The following SLC7A6 variants were observed in gnomAD, a reference collection of about 807,000 sequenced individuals.
SLC7A6 encodes Y+L amino acid transporter 2.
In SLC7A6, 29 loss-of-function variants were observed where a neutral mutation model predicts 46.6. The observed-to-expected ratio is 0.62, with a 90% confidence interval of 0.46 to 0.85. The LOEUF (loss-of-function observed/expected upper bound fraction) is 0.85. Ranked by LOEUF, SLC7A6 falls within the 40% of genes least tolerant of loss-of-function variation. The pLI is 0.00. For synonymous variants in SLC7A6, 276 were observed against 257.3 expected (o/e 1.07, Z -0.70); for missense variants, 527 against 647.6 (o/e 0.81, Z 2.02).
At chr16:68,279,234 C>T (rs761096791) in intron 3 of SLC7A6, among the ~76,000 whole-genome samples, 1 of 150,916 alleles carries the variant, frequency 6.6e-6, no homozygotes, top group African/African-American at 2.4e-5. Context: ...CCTAGCTACT[C>T]GGGAGCCTGA....
At chr16:68,278,351 AG>A (rs2042757676) in intron 3 of SLC7A6, among the ~76,000 whole-genome samples, 3 of 147,954 alleles carry the variant, frequency 2.0e-5, no homozygotes. Flanking sequence ...TTTCTCGCAG[AG>A]GGGGATTTGG....
rs66832488 is a variant in SLC7A6 at position 68,279,170 on chromosome 16, TA to T, written c.523+3935del. Among the ~76,000 whole-genome samples, 93 of 144,910 alleles carry T rather than the reference TA, an allele frequency of 6.4e-4. No homozygotes were observed. The Middle Eastern group carries it at 0.014, about 21-fold the overall frequency. On this transcript the variant is annotated intron_variant, in intron 3 of 10. Transcript: ENST00000219343. ...GGGCAACAAAGCAAGACCCCACCTC[TA>T]AAAAAAAAAAAAATTAGGCATGGTG...
Position 68,297,380 on chromosome 16 carries a change from C to G in SLC7A6, c.*52C>G. 6.7e-7 allele frequency: 1 copy of G among 1,490,238 alleles called. No individual in the cohort carries two copies. The highest frequency in any genetic ancestry group is 9.3e-7 in the Non-Finnish European group (1 of 1,072,326). 92.3% of individuals were successfully genotyped at this position (1,490,238 alleles called of 1,614,324 possible). A position where few individuals can be genotyped will look rare whatever the true frequency, so the allele number is the denominator to read the frequency against. ...GGAAGGCAGGCCAACCAGCAAAATC[C>G]TGATAACAAGACTCTGTGGGCCCAA... On this transcript the variant is annotated 3_prime_UTR_variant, in exon 11 of 11. Transcript: ENST00000219343.
At chr16:68,283,882 T>A (rs975041134) in intron 3 of SLC7A6, among the ~76,000 whole-genome samples, 7 of 152,154 alleles carry the variant, frequency 4.6e-5, no homozygotes, top group Admixed American at 3.9e-4. Flanking sequence ...TCTGATAGTT[T>A]ATGGTAAGCT....
intron 2 of SLC7A6, among the ~76,000 whole-genome samples, chr16:68,271,010 T>A (rs2042615863): frequency 1.3e-5 from 2 of 152,162 alleles, no homozygotes; most frequent in East Asian, 1.9e-4. Context: ...CCACCGTGCC[T>A]GGCTAATTTT....
intron 2 of SLC7A6, among the ~76,000 whole-genome samples, chr16:68,269,205 T>G (rs978857711): frequency 1.4e-4 from 22 of 152,168 alleles, no homozygotes; most frequent in Non-Finnish European, 1.6e-4. Flanking sequence ...TCAAACACAA[T>G]TATTTTAAAT....
At chr16:68,285,821 A>T (rs1230265988) in intron 3 of SLC7A6, among the ~76,000 whole-genome samples, 1 of 152,098 alleles carries the variant, frequency 6.6e-6, no homozygotes, top group East Asian at 1.9e-4. Context: ...GTGGCCAGGC[A>T]TAGTGGCTCA....
At chr16:68,285,867 G>A (rs532267681) in intron 3 of SLC7A6, among the ~76,000 whole-genome samples, 7 of 152,072 alleles carry the variant, frequency 4.6e-5, no homozygotes, top group African/African-American at 1.7e-4. Context: ...TGAGGCAGGA[G>A]GATTGCTTGA....
At chr16:68,268,836 C>T (rs1034760066) in intron 2 of SLC7A6, among the ~76,000 whole-genome samples, 8 of 151,652 alleles carry the variant, frequency 5.3e-5, no homozygotes, top group Non-Finnish European at 8.8e-5. Flanking sequence ...GGTGAAACCC[C>T]GTCTCTACTA....
intron 3 of SLC7A6, among the ~76,000 whole-genome samples, chr16:68,278,209 C>T (rs2151218758): frequency 6.6e-6 from 1 of 152,286 alleles, no homozygotes; most frequent in African/African-American, 2.4e-5. Flanking sequence ...CCTGCTTTGG[C>T]CTCCCAAAGT....
intron 2 of SLC7A6, among the ~76,000 whole-genome samples, chr16:68,271,373 T>C (rs1473708531): frequency 6.6e-6 from 1 of 152,200 alleles, no homozygotes; most frequent in African/African-American, 2.4e-5. Context: ...GGTGTGATCA[T>C]GGCTCACTGC....
chr16:68,286,552 A>G lies in SLC7A6; in HGVS notation c.524-1194A>G, dbSNP rs74024436. ...TTTTGTAGTAAGATTTGAGGTGCAC[A>G]TAAAAGTTCTGTTTTTGTATGCTAG... is the stretch of plus-strand genomic sequence containing the variant. On this transcript the variant is annotated intron_variant, in intron 3 of 10. Coordinates refer to ENST00000219343, the MANE Select transcript of SLC7A6 (RefSeq NM_003983.6). Among the ~76,000 whole-genome samples, 1,440 of 152,298 alleles carry G rather than the reference A, an allele frequency of 9.5e-3. 25 individuals carry two copies. Among genetic ancestry groups the G allele is most frequent in the African/African-American group, 0.033 (1,361 of 41,554 alleles).
In SLC7A6 at chr16:68,267,206, ATTTTTTTTTTTT is replaced by A. The variant is rs1189220005; in HGVS notation, c.-37+499_-37+510del. 4.6e-5 allele frequency among the ~76,000 whole-genome samples: 4 copies of A among 87,686 alleles called. No individual in the cohort carries two copies. The South Asian group carries it at 1.6e-3, about 35-fold the overall frequency. The allele number at this position is 87,686 out of a possible 152,430, so 57.5% of individuals were successfully genotyped here. A position where few individuals can be genotyped will look rare whatever the true frequency, so the allele number is the denominator to read the frequency against. On this transcript the variant is annotated intron_variant, in intron 2 of 10. Transcript: ENST00000219343. ...CGTCTCAGCCTCCCAATTGTGGTGG[ATTTTTTTTTTTT>A]TTTTTTTTTTTTTGAGAAGGAGTTT... is the stretch of plus-strand genomic sequence containing the variant.
intron 3 of SLC7A6, chr16:68,287,461 C>A: frequency 7.4e-7 from 1 of 1,342,916 alleles, no homozygotes; most frequent in Admixed American, 2.3e-5. Flanking sequence ...CATCCCTGGG[C>A]CTGGGGGGAA....
chr16:68,270,537 G>A (rs1011631201), intron 2 of SLC7A6, among the ~76,000 whole-genome samples: 2 of 152,112 alleles, frequency 1.3e-5, no homozygotes, highest in African/African-American at 4.8e-5. Context: ...TAACCACTGA[G>A]GTCTATGGAA....
At chr16:68,280,118 G>C (rs2042802177) in intron 3 of SLC7A6, among the ~76,000 whole-genome samples, 1 of 152,162 alleles carries the variant, frequency 6.6e-6, no homozygotes, top group African/African-American at 2.4e-5. Flanking sequence ...GGCGGCAGTG[G>C]GAACAACGTG....
intron 1 of SLC7A6, among the ~76,000 whole-genome samples, chr16:68,265,022 G>A (rs1305061126): frequency 5.3e-5 from 8 of 152,226 alleles, no homozygotes; most frequent in Non-Finnish European, 8.8e-5. Flanking sequence ...GCCTCCGACT[G>A]CAGGACGGAG....
chr16:68,289,237 G>C (rs2042999793), intron 4 of SLC7A6, among the ~76,000 whole-genome samples: 1 of 152,052 alleles, frequency 6.6e-6, no homozygotes, highest in Non-Finnish European at 1.5e-5. Flanking sequence ...AGGTTGCAGT[G>C]AGCCAAGATC....
chr16:68,294,470 G>T (rs1190824738), intron 7 of SLC7A6, among the ~76,000 whole-genome samples: 1 of 152,080 alleles, frequency 6.6e-6, no homozygotes, highest in Admixed American at 6.5e-5. Context: ...GGGTGATGGT[G>T]GGTGGGGCAT....
Sources: gnomAD v4.1 joint callset for allele counts (sites outside exome capture counted in the v4.1 genomes callset) on GRCh38, gnomAD v4.1.1 for gene constraint, MANE v1.5 for transcripts, NCBI Gene and HGNC (gene_info 2026-07-23, HGNC 2026-07-21) for gene names.